CHIC1: variants seen among roughly 807,000 people sequenced by gnomAD.
The protein encoded by CHIC1 is cysteine rich hydrophobic domain 1, also known as cysteine-rich hydrophobic domain-containing protein 1.
Under a neutral mutation model 18.5 loss-of-function variants are expected in CHIC1, and 7 were observed. The ratio of observed to expected loss-of-function variants is 0.38; its 90% CI spans 0.22 to 0.71. The LOEUF (loss-of-function observed/expected upper bound fraction) is 0.71, where lower values mean the gene tolerates loss of function less well. Among genes scored for constraint, CHIC1 ranks in the 30% least tolerant of loss-of-function variants. The pLI, the probability that CHIC1 is intolerant of heterozygous loss-of-function variation, is 0.49. For missense variants in CHIC1, 159 were observed against 176.9 expected (o/e 0.90, Z 0.57); for synonymous variants, 77 against 73.5 (o/e 1.05, Z -0.25).
intron 4 of CHIC1, 24 bp from the exon 5 acceptor site, chrX:73,679,630 C>A: frequency 9.7e-7 from 1 of 1,032,359 alleles, no homozygotes; most frequent in South Asian, 2.5e-5. Context: ...TATAAAAATT[C>A]TTAACAAGAC....
At chrX:73,655,248 G>A (rs2057936144) in intron 3 of CHIC1, among the ~76,000 whole-genome samples, 1 of 107,644 alleles carries the variant, frequency 9.3e-6, no homozygotes, top group Non-Finnish European at 1.9e-5. Flanking sequence ...CCTTTTCATG[G>A]CTACATAATA....
At chrX:73,590,862 G>C (rs1436362086) in intron 3 of CHIC1, among the ~76,000 whole-genome samples, 1 of 111,055 alleles carries the variant, frequency 9.0e-6, no homozygotes, top group Non-Finnish European at 1.9e-5. Flanking sequence ...CCTATTAAAG[G>C]GTTTCTTGGT....
chrX:73,664,803 G>T (rs1034819485), intron 3 of CHIC1, among the ~76,000 whole-genome samples: 3 of 110,824 alleles, frequency 2.7e-5, no homozygotes, highest in African/African-American at 9.9e-5. Flanking sequence ...GTTGTGTCTC[G>T]CCTGGCCACT....
intron 3 of CHIC1, among the ~76,000 whole-genome samples, chrX:73,678,755 A>G (rs2058083968): frequency 8.9e-6 from 1 of 112,126 alleles, no homozygotes; most frequent in Non-Finnish European, 1.9e-5. Context: ...TATTTTTCTA[A>G]GTATAAGTTT....
At chrX:73,674,293 G>T (rs1253139055) in intron 3 of CHIC1, among the ~76,000 whole-genome samples, 1 of 112,020 alleles carries the variant, frequency 8.9e-6, no homozygotes, top group Admixed American at 9.4e-5. Context: ...GATTGGAATA[G>T]TTTCAGAAGG....
intron 3 of CHIC1, among the ~76,000 whole-genome samples, chrX:73,623,134 T>C (rs1407199189): frequency 9.0e-6 from 1 of 111,715 alleles, no homozygotes; most frequent in East Asian, 2.8e-4. Context: ...AAGTGTGATG[T>C]GGTGCTGAGA....
At chrX:73,594,910 C>T (rs1009775742) in intron 3 of CHIC1, among the ~76,000 whole-genome samples, 1 of 111,781 alleles carries the variant, frequency 8.9e-6, no homozygotes, top group African/African-American at 3.2e-5. Context: ...CGCTGTTAAT[C>T]CATATCATAT....
intron 1 of CHIC1, among the ~76,000 whole-genome samples, chrX:73,569,263 G>A (rs1328932617): frequency 9.0e-6 from 1 of 111,066 alleles, no homozygotes; most frequent in Non-Finnish European, 1.9e-5. Flanking sequence ...GCAAGATTTT[G>A]AAAGGCTGGT....
intron 3 of CHIC1, among the ~76,000 whole-genome samples, chrX:73,597,361 GT>G: frequency 9.1e-6 from 1 of 109,732 alleles, no homozygotes; most frequent in East Asian, 2.9e-4. Context: ...AGTTGTGGGT[GT>G]TTTTATATAA....
intron 3 of CHIC1, among the ~76,000 whole-genome samples, chrX:73,658,954 G>A (rs762631816): frequency 3.2e-4 from 36 of 111,904 alleles, no homozygotes; most frequent in Non-Finnish European, 6.2e-4. Context: ...TGGCCGTGTG[G>A]CTAGGGGACC....
intron 3 of CHIC1, among the ~76,000 whole-genome samples, chrX:73,590,887 C>T (rs780382513): frequency 1.8e-5 from 2 of 111,437 alleles, no homozygotes; most frequent in South Asian, 7.5e-4. Flanking sequence ...TCCAAGGTTT[C>T]ACAATCATAA....
Position 73,684,072 on chromosome X carries a change from C to G in CHIC1, c.*3067C>G, listed in dbSNP as rs928982762. 1 of 111,766 alleles carries G rather than the reference C, an allele frequency of 8.9e-6. No individual in the cohort carries two copies. The highest frequency in any genetic ancestry group is 3.2e-5 in the African/African-American group (1 of 30,787). 9.2% of individuals were successfully genotyped at this position (111,766 alleles called of 1,213,427 possible). A position where few individuals can be genotyped will look rare whatever the true frequency, so the allele number is the denominator to read the frequency against. Reference sequence around the variant, plus strand: ...TTAGATTAGAAATCATCCTTTTCAACTAGGTCTAAGAATACTTTACTAGTG... The same window carrying G: ...TTAGATTAGAAATCATCCTTTTCAAGTAGGTCTAAGAATACTTTACTAGTG... On this transcript the variant is annotated 3_prime_UTR_variant, in exon 6 of 6. Transcript: ENST00000373502.
intron 4 of CHIC1, 55 bp from the exon 5 acceptor site, chrX:73,679,599 G>T: frequency 1.3e-6 from 1 of 773,209 alleles, no homozygotes; most frequent in East Asian, 3.6e-5. Flanking sequence ...AAATGTATAG[G>T]TTGTAATTAG....
intron 3 of CHIC1, among the ~76,000 whole-genome samples, chrX:73,668,226 C>T (rs1219634613): frequency 9.0e-6 from 1 of 111,070 alleles, no homozygotes; most frequent in Non-Finnish European, 1.9e-5. Context: ...TTATTTTCCT[C>T]TCTAAACTGG....
intron 2 of CHIC1, among the ~76,000 whole-genome samples, chrX:73,580,989 C>T (rs1349911749): frequency 1.8e-5 from 2 of 111,068 alleles, no homozygotes; most frequent in African/African-American, 6.5e-5. Context: ...TATTTCATAT[C>T]GAACAGATGT....
intron 1 of CHIC1, among the ~76,000 whole-genome samples, chrX:73,571,096 G>A (rs1328996717): frequency 9.0e-6 from 1 of 110,769 alleles, no homozygotes; most frequent in Non-Finnish European, 1.9e-5. Flanking sequence ...TAAGTGAAAA[G>A]AGAATAGTAA....
Position 73,684,511 on chromosome X carries a change from A to T in CHIC1, c.*3506A>T, listed in dbSNP as rs1486570907. 6 of 111,526 alleles carry T rather than the reference A, an allele frequency of 5.4e-5. No homozygotes were observed. The South Asian group carries it at 1.1e-3, about 21-fold the overall frequency. 9.2% of individuals were successfully genotyped at this position (111,526 alleles called of 1,213,427 possible). A position where few individuals can be genotyped will look rare whatever the true frequency, so the allele number is the denominator to read the frequency against. ...AAAAAAATAAAACCTCACTACTTGA[A>T]CATAAAGCTCCCAAACAATATTGTA... On this transcript the variant is annotated 3_prime_UTR_variant, in exon 6 of 6. Transcript: ENST00000373502.
intron 3 of CHIC1, among the ~76,000 whole-genome samples, chrX:73,678,979 A>G (rs2058084923): frequency 8.9e-6 from 1 of 112,128 alleles, no homozygotes. Context: ...TCTAGATTAA[A>G]TTCATAAATG....
At chrX:73,661,560 A>G (rs2057980532) in intron 3 of CHIC1, among the ~76,000 whole-genome samples, 1 of 111,966 alleles carries the variant, frequency 8.9e-6, no homozygotes, top group Non-Finnish European at 1.9e-5. Context: ...GCCATTAGCC[A>G]ATGGGCCAGG....
Sources: allele counts gnomAD v4.1 joint callset (sites outside exome capture counted in the v4.1 genomes callset), GRCh38; gene constraint gnomAD v4.1.1; transcripts MANE v1.5; gene names NCBI Gene and HGNC (gene_info 2026-07-23, HGNC 2026-07-21).